Variants in CTNNA2 observed in about 807,000 individuals in gnomAD.
CTNNA2 encodes catenin alpha 2.
Under a neutral mutation model 101.0 loss-of-function variants are expected in CTNNA2, and 42 were observed. The observed-to-expected ratio is 0.42, with a 90% CI of 0.32 to 0.54. The LOEUF (loss-of-function observed/expected upper bound fraction) is 0.54, where lower values mean the gene tolerates loss of function less well. Ranked by LOEUF, CTNNA2 falls within the 20% of genes least tolerant of loss-of-function variation. CTNNA2 has a pLI of 0.14. For missense variants in CTNNA2, 871 were observed against 1,223.1 expected (o/e 0.71, Z 4.29); for synonymous variants, 450 against 456.4 (o/e 0.99, Z 0.18).
intron 7 of CTNNA2, among the ~76,000 whole-genome samples, chr2:80,129,018 G>A (rs943214975): frequency 6.6e-6 from 1 of 152,204 alleles, no homozygotes; most frequent in Non-Finnish European, 1.5e-5. Context: ...TTCAAAGAAA[G>A]TATGAAGCTT....
At chr2:79,353,167 C>T (rs1262318009) in intron 3 of CTNNA2, among the ~76,000 whole-genome samples, 1 of 152,216 alleles carries the variant, frequency 6.6e-6, no homozygotes, top group Non-Finnish European at 1.5e-5. Context: ...GCTTTAACTG[C>T]ATTCCAAATA....
chr2:80,529,116 A>G (rs935498357), intron 9 of CTNNA2, among the ~76,000 whole-genome samples: 2 of 152,202 alleles, frequency 1.3e-5, no homozygotes, highest in African/African-American at 2.4e-5. Flanking sequence ...GGGCAGGCAG[A>G]CAAACACCAG....
intron 4 of CTNNA2, among the ~76,000 whole-genome samples, chr2:79,432,834 C>T (rs1482809025): frequency 6.6e-6 from 1 of 152,218 alleles, no homozygotes; most frequent in African/African-American, 2.4e-5. Flanking sequence ...CTTTCATCTA[C>T]TCCCCAATAA....
At chr2:80,251,795 T>G (rs1573515342) in intron 7 of CTNNA2, among the ~76,000 whole-genome samples, 1 of 152,304 alleles carries the variant, frequency 6.6e-6, no homozygotes, top group African/African-American at 2.4e-5. Context: ...CTACAAATAC[T>G]TAATTAAGAG....
intron 3 of CTNNA2, among the ~76,000 whole-genome samples, chr2:79,340,833 C>CAAAAAAAAAAAAAAAA (rs56276462): frequency 3.1e-5 from 1 of 32,528 alleles, no homozygotes; most frequent in African/African-American, 1.2e-4. Flanking sequence ...GACTCAGTCT[C>CAAAAAAAAAAAAAAAA]AAAAAAAAAA....
At chr2:80,581,972 AT>A (rs1695581604) in intron 14 of CTNNA2, among the ~76,000 whole-genome samples, 153 bp downstream of exon 14, 1 of 152,174 alleles carries the variant, frequency 6.6e-6, no homozygotes, top group African/African-American at 2.4e-5. Context: ...AGCAAATCAC[AT>A]TTTACACAGT....
intron 2 of CTNNA2, among the ~76,000 whole-genome samples, chr2:79,676,203 T>G (rs1339714164): frequency 6.6e-6 from 1 of 152,202 alleles, no homozygotes; most frequent in African/African-American, 2.4e-5. Flanking sequence ...TAAATATCTA[T>G]ATAGCTGAGT....
intron 18 of CTNNA2, among the ~76,000 whole-genome samples, chr2:80,639,840 C>T (rs534154114): frequency 7.2e-5 from 11 of 152,140 alleles, no homozygotes; most frequent in South Asian, 2.1e-4. Context: ...CGGTGGCTCA[C>T]GCCTGTAATT....
At chr2:79,893,180 C>G (rs1684427754) in intron 6 of CTNNA2, among the ~76,000 whole-genome samples, 1 of 152,056 alleles carries the variant, frequency 6.6e-6, no homozygotes, top group African/African-American at 2.4e-5. Flanking sequence ...TGAAAAAAAG[C>G]CTGTTAAGTG....
intron 7 of CTNNA2, among the ~76,000 whole-genome samples, chr2:80,161,608 A>C (rs900761800): frequency 6.6e-6 from 1 of 152,192 alleles, no homozygotes; most frequent in Non-Finnish European, 1.5e-5. Context: ...GGCACTTTGA[A>C]AATGTTAAAG....
chr2:80,249,576 A>G (rs560573767), intron 7 of CTNNA2, among the ~76,000 whole-genome samples: 3 of 152,218 alleles, frequency 2.0e-5, no homozygotes, highest in Non-Finnish European at 4.4e-5. Context: ...TATTATATTA[A>G]TTAAAAAAGA....
intron 3 of CTNNA2, among the ~76,000 whole-genome samples, chr2:79,784,786 G>C (rs1357479334): frequency 4.6e-5 from 7 of 151,104 alleles, no homozygotes; most frequent in Non-Finnish European, 1.0e-4. Context: ...ATAAAAACAT[G>C]GATGAATCTC....
At chr2:80,477,901 T>C (rs1685852656) in intron 9 of CTNNA2, among the ~76,000 whole-genome samples, 1 of 152,102 alleles carries the variant, frequency 6.6e-6, no homozygotes, top group South Asian at 2.1e-4. Context: ...CCCCTTTGGG[T>C]AGATATCCAG....
rs538308884 is a variant in CTNNA2 at position 80,419,989 on chromosome 2, A to G, written c.1290+388A>G. Among the ~76,000 whole-genome samples, 10 of 118,350 alleles carry G rather than the reference A, an allele frequency of 8.4e-5. No individual in the cohort carries two copies. In the Admixed American group the frequency reaches 1.1e-3, roughly 13 times the overall value. The allele number at this position is 118,350 out of a possible 152,430, so 77.6% of individuals were successfully genotyped here. ...TTTTTCCCACCTCAAACCCCTGTCC[A>G]CTCCACCCAGTGGTGCCTAGATGCT... On this transcript the variant is annotated intron_variant, in intron 9 of 18. Transcript: ENST00000402739.
chr2:79,855,262 A>G (rs945689980), intron 3 of CTNNA2, among the ~76,000 whole-genome samples: 4 of 151,836 alleles, frequency 2.6e-5, no homozygotes, highest in East Asian at 1.9e-4. Context: ...TCTCACGGAC[A>G]TCTGCTGAGC....
chr2:79,640,502 C>T (rs1379317966), intron 1 of CTNNA2, among the ~76,000 whole-genome samples: 1 of 152,082 alleles, frequency 6.6e-6, no homozygotes, highest in Non-Finnish European at 1.5e-5. Flanking sequence ...ATACATTTTT[C>T]TGAAATACAT....
At chr2:79,317,445 C>A (rs13407561) in intron 3 of CTNNA2, among the ~76,000 whole-genome samples, 21,804 of 151,888 alleles carry the variant, frequency 0.14, 1,637 homozygotes, top group East Asian at 0.17. Context: ...TATTTGATTT[C>A]TTGCATGGAC....
chr2:79,543,265 A>G (rs1448404868), intron 1 of CTNNA2, among the ~76,000 whole-genome samples: 1 of 152,208 alleles, frequency 6.6e-6, no homozygotes, highest in Admixed American at 6.5e-5. Context: ...AAAACCGTGT[A>G]ATATCCAAAA....
At position 80,260,961 on chromosome 2, in the gene CTNNA2, GA is replaced by G. The variant is rs147881768; in HGVS notation, c.1057-132249del. Among the ~76,000 whole-genome samples, 212 of 152,254 alleles carry G rather than the reference GA, an allele frequency of 1.4e-3. 1 individual carries two copies. Among genetic ancestry groups the G allele is most frequent in the African/African-American group, 4.8e-3 (201 of 41,542 alleles). Reference sequence around the variant, plus strand: ...AAGTGCTGGGAACCACATGTGGAAGGATAGACCTAGTCTCTGCCCTTATGGT... The same window carrying G: ...AAGTGCTGGGAACCACATGTGGAAGGTAGACCTAGTCTCTGCCCTTATGGT... On this transcript the variant is annotated intron_variant, in intron 7 of 18. Transcript: ENST00000402739.
Sources: gnomAD v4.1 joint callset for allele counts (sites outside exome capture counted in the v4.1 genomes callset) on GRCh38, gnomAD v4.1.1 for gene constraint, MANE v1.5 for transcripts, NCBI Gene and HGNC (gene_info 2026-07-23, HGNC 2026-07-21) for gene names.